The following ZFAND4 variants were observed in gnomAD, a reference collection of about 807,000 sequenced individuals.
The protein encoded by ZFAND4 is AN1-type zinc finger protein 4.
Under a neutral mutation model 64.4 loss-of-function variants are expected in ZFAND4, and 43 were observed. That is an observed-to-expected ratio of 0.67 (90% CI 0.52 to 0.86). The LOEUF is 0.86. Among genes scored for constraint, ZFAND4 ranks in the 40% least tolerant of loss-of-function variants. ZFAND4 has a pLI of 0.00. For missense variants in ZFAND4, 929 were observed against 859.8 expected (o/e 1.08, Z -1.01); for synonymous variants, 296 against 305.7 (o/e 0.97, Z 0.33).
chr10:45,626,523 C>T lies in ZFAND4; in HGVS notation c.1300G>A (p.Gly434Arg). The change falls in exon 7 of 10, where the codon GGG becomes AGG. Residue 434 changes from glycine (G) to arginine (R), a missense_variant. Physicochemically the swap from Gly to Arg is moderately radical, Grantham distance 125. Transcript: ENST00000344646. ...LELLLTNADK[G>R]LKAPEQHLKH... is the part of the protein sequence containing the mutation. ...AGATGCTGCTCTGGAGCTTTCAACC[C>T]TTTGTCAGCATTAGTGAGTAGCAAC... 1.2e-6 allele frequency: 2 copies of T among 1,614,028 alleles called. No individual in the cohort carries two copies. Among genetic ancestry groups the T allele is most frequent in the Non-Finnish European group, 1.7e-6 (2 of 1,180,038 alleles).
intron 8 of ZFAND4, among the ~76,000 whole-genome samples, chr10:45,623,187 G>T (rs958781511): frequency 2.6e-5 from 4 of 152,158 alleles, no homozygotes; most frequent in African/African-American, 4.8e-5. Flanking sequence ...ACATGGTACA[G>T]CAACTGTGGA....
At position 45,626,609 on chromosome 10, in the gene ZFAND4, G is replaced by A. The variant is rs2045847350; in HGVS notation, c.1214C>T (p.Ala405Val). The change falls in exon 7 of 10, where the codon GCA becomes GTA. Residue 405 changes from alanine to valine, a missense_variant. Transcript: ENST00000344646. The stretch of plus-strand genomic sequence containing the variant: ...GCTCTGTTCATCAGCATTTCCTTCT[G>A]CAAATGAAGCCAGTGAGCCCACTTT... ...LPKVGSLASF[A>V]EGNADEQSSG... 6.2e-7 allele frequency: 1 copy of A among 1,614,060 alleles called. No homozygotes were observed. Among genetic ancestry groups the A allele is most frequent in the Non-Finnish European group, 8.5e-7 (1 of 1,180,040 alleles).
chr10:45,663,870 G>C (rs1381269222), intron 1 of ZFAND4, 28 bp from the exon 2 acceptor site: 1 of 602,950 alleles, frequency 1.7e-6, no homozygotes, highest in Non-Finnish European at 2.6e-6. Flanking sequence ...TTTTTAACAA[G>C]CCTATCTGAA....
At chr10:45,661,937 C>T (rs1234266117) in intron 2 of ZFAND4, among the ~76,000 whole-genome samples, 1 of 140,982 alleles carries the variant, frequency 7.1e-6, no homozygotes, top group East Asian at 2.0e-4. Flanking sequence ...AACTCCGTCT[C>T]GAAGAAAAAA....
chr10:45,645,078 C>T (rs1367398225), intron 5 of ZFAND4, among the ~76,000 whole-genome samples: 1 of 149,714 alleles, frequency 6.7e-6, no homozygotes, highest in Non-Finnish European at 1.5e-5. Context: ...ACCTCTTGGG[C>T]TCAAGCAATC....
chr10:45,642,557 G>A (rs1271097718), intron 5 of ZFAND4, among the ~76,000 whole-genome samples: 1 of 144,440 alleles, frequency 6.9e-6, no homozygotes, highest in Admixed American at 7.0e-5. Context: ...CAAGTGAGCC[G>A]AGATCACACC....
chr10:45,664,863 AGAGCTTGCGGT>A (rs2048710239), intron 1 of ZFAND4, among the ~76,000 whole-genome samples: 1 of 152,060 alleles, frequency 6.6e-6, no homozygotes, highest in African/African-American at 2.4e-5. Context: ...CCCGGGAGGC[AGAGCTTGCGGT>A]GAGCCGAGAT....
intron 1 of ZFAND4, among the ~76,000 whole-genome samples, chr10:45,667,052 A>G (rs573760857): frequency 3.9e-5 from 6 of 152,312 alleles, no homozygotes; most frequent in African/African-American, 1.4e-4. Flanking sequence ...GGATTGTATT[A>G]AGTCTGTAGA....
At chr10:45,635,025 A>G (rs1025223016) in intron 6 of ZFAND4, among the ~76,000 whole-genome samples, 6 of 151,960 alleles carry the variant, frequency 3.9e-5, no homozygotes, top group Non-Finnish European at 7.4e-5. Flanking sequence ...TTCCATGTTC[A>G]TGAGTTGGAA....
At chr10:45,646,569 T>C (rs537338632) in intron 5 of ZFAND4, among the ~76,000 whole-genome samples, 2 of 152,222 alleles carry the variant, frequency 1.3e-5, no homozygotes, top group Non-Finnish European at 1.5e-5. Context: ...TAAACACAAA[T>C]AGAAGTTGGC....
chr10:45,659,605 A>G (rs1354594758), intron 2 of ZFAND4, among the ~76,000 whole-genome samples: 1 of 152,186 alleles, frequency 6.6e-6, no homozygotes, highest in Non-Finnish European at 1.5e-5. Context: ...ACATGAAAAA[A>G]TATGGTATGA....
chr10:45,670,430 G>C (rs1215313137), intron 1 of ZFAND4, among the ~76,000 whole-genome samples: 2 of 151,952 alleles, frequency 1.3e-5, no homozygotes, highest in African/African-American at 2.4e-5. Flanking sequence ...CTCCCAACAG[G>C]GGTTTCTCCA....
At position 45,626,733 on chromosome 10, in the gene ZFAND4, G is replaced by A; in HGVS notation, c.1090C>T (p.Pro364Ser). The A allele has an allele frequency of 6.2e-7, 1 of 1,614,200 alleles. No homozygotes were observed. Among genetic ancestry groups the A allele is most frequent in the Non-Finnish European group, 8.5e-7 (1 of 1,180,032 alleles). ...DSVLHLGSSLPRQTKHFLGNL... is the reference protein window; with the variant it reads ...DSVLHLGSSLSRQTKHFLGNL... ...CCTAAAAAATGTTTTGTTTGCCTAG[G>A]CAGGGATGATCCAAGATGGAGAACA... Residue 364 changes from proline (P) to serine (S), a missense_variant, in exon 7 of 10, where the codon CCT becomes TCT. Coordinates refer to ENST00000344646, the MANE Select transcript of ZFAND4 (RefSeq NM_174890.4).
intron 8 of ZFAND4, 86 bp downstream of exon 8, chr10:45,624,497 T>C: frequency 8.1e-7 from 1 of 1,235,930 alleles, no homozygotes; most frequent in Non-Finnish European, 1.2e-6. Context: ...GAGAAGGTTC[T>C]TCCCATTTCT....
chr10:45,665,492 G>A (rs1467244750), intron 1 of ZFAND4, among the ~76,000 whole-genome samples: 1 of 152,046 alleles, frequency 6.6e-6, no homozygotes, highest in African/African-American at 2.4e-5. Flanking sequence ...AGTGAGCCAA[G>A]ATTGCACCAC....
chr10:45,642,063 G>A (rs2047035886), intron 5 of ZFAND4, among the ~76,000 whole-genome samples: 1 of 152,204 alleles, frequency 6.6e-6, no homozygotes, highest in Non-Finnish European at 1.5e-5. Flanking sequence ...AATACCTGAA[G>A]AAGGGTGCAT....
intron 1 of ZFAND4, among the ~76,000 whole-genome samples, chr10:45,666,467 T>C (rs991879024): frequency 2.6e-5 from 4 of 152,220 alleles, no homozygotes; most frequent in African/African-American, 9.6e-5. Flanking sequence ...GATATATGAA[T>C]GGTAAATATT....
chr10:45,665,058 T>C (rs1289924474), intron 1 of ZFAND4, among the ~76,000 whole-genome samples: 2 of 152,220 alleles, frequency 1.3e-5, no homozygotes, highest in African/African-American at 2.4e-5. Flanking sequence ...CAATGGCTAA[T>C]AAGTATGAGT....
intron 6 of ZFAND4, among the ~76,000 whole-genome samples, chr10:45,636,192 T>TA (rs1240946267): frequency 9.9e-5 from 15 of 151,040 alleles, no homozygotes; most frequent in African/African-American, 2.9e-4. Context: ...AAAAAATACT[T>TA]ACTTCTCTTT....
Sources: allele counts gnomAD v4.1 joint callset (sites outside exome capture counted in the v4.1 genomes callset), GRCh38; gene constraint gnomAD v4.1.1; transcripts MANE v1.5; gene names NCBI Gene and HGNC (gene_info 2026-07-23, HGNC 2026-07-21).